TRPS1: variants seen among roughly 807,000 people sequenced by gnomAD.
TRPS1 encodes the protein transcriptional repressor GATA binding 1.
Under a neutral mutation model 101.2 loss-of-function variants are expected in TRPS1, and 6 were observed. The observed-to-expected ratio is 0.06, with a 90% CI of 0.03 to 0.12. The LOEUF (loss-of-function observed/expected upper bound fraction) is 0.12, where lower values mean the gene tolerates loss of function less well. Among genes scored for constraint, TRPS1 ranks in the 10% least tolerant of loss-of-function variants. TRPS1 has a pLI of 1.00. For synonymous variants in TRPS1, 578 were observed against 589.8 expected, an observed-to-expected ratio of 0.98 and a Z score of 0.29; for missense variants, 1,363 against 1,567.0, an observed-to-expected ratio of 0.87 and a Z score of 2.20.
At chr8:115,629,272 A>G (rs567943645) in intron 1 of TRPS1, among the ~76,000 whole-genome samples, 1 of 151,962 alleles carries the variant, frequency 6.6e-6, no homozygotes, top group South Asian at 2.1e-4. Context: ...TTTTTTTTCC[A>G]GAAGAGCTAT....
chr8:115,455,710 T>C (rs1254444807), intron 5 of TRPS1, among the ~76,000 whole-genome samples: 2 of 151,502 alleles, frequency 1.3e-5, no homozygotes, highest in African/African-American at 4.8e-5. Flanking sequence ...TCCTTTTTCC[T>C]CCAAAGACAG....
chr8:115,554,568 GTTA>G (rs1816774638), intron 5 of TRPS1, among the ~76,000 whole-genome samples: 1 of 152,282 alleles, frequency 6.6e-6, no homozygotes, highest in East Asian at 1.9e-4. Context: ...GCCTCCATCA[GTTA>G]TTATGCGCAA....
At position 115,464,560 on chromosome 8, in the gene TRPS1, T is replaced by C. The variant is rs1814271759; in HGVS notation, c.2701-46108A>G. 2.0e-5 allele frequency among the ~76,000 whole-genome samples: 3 copies of C among 152,292 alleles called. No homozygotes were observed. The South Asian group carries it at 6.2e-4, about 32-fold the overall frequency. On this transcript the variant is annotated intron_variant, in intron 5 of 6. Transcript: ENST00000395715. ...AAGGTTAGGTTTGAAAACTTAGCAT[T>C]ACAAATGTCACATTTACTTCCAGTA...
intron 1 of TRPS1, among the ~76,000 whole-genome samples, chr8:115,629,773 A>T (rs1201258558): frequency 6.6e-6 from 1 of 151,754 alleles, no homozygotes; most frequent in Non-Finnish European, 1.5e-5. Context: ...GATACCTCAG[A>T]TCTATCCCAC....
chr8:115,565,631 A>G (rs781284311), intron 5 of TRPS1, among the ~76,000 whole-genome samples: 56 of 152,080 alleles, frequency 3.7e-4, no homozygotes, highest in African/African-American at 1.2e-3. Flanking sequence ...AACAGAAAAA[A>G]AAAGAAAAAA....
chr8:115,540,186 C>G (rs1357818195), intron 5 of TRPS1, among the ~76,000 whole-genome samples: 1 of 152,068 alleles, frequency 6.6e-6, no homozygotes, highest in African/African-American at 2.4e-5. Flanking sequence ...AATAGAAAAA[C>G]AGCACAATGG....
intron 1 of TRPS1, among the ~76,000 whole-genome samples, chr8:115,644,939 C>T (rs373058101): frequency 3.3e-5 from 5 of 152,214 alleles, no homozygotes; most frequent in Non-Finnish European, 5.9e-5. Context: ...TGCCATCTTA[C>T]GTGGGTACCA....
intron 1 of TRPS1, among the ~76,000 whole-genome samples, chr8:115,662,899 C>A (rs1201193213): frequency 6.6e-6 from 1 of 152,016 alleles, no homozygotes; most frequent in Non-Finnish European, 1.5e-5. Flanking sequence ...ATTTAAACTT[C>A]CACATTTTAG....
chr8:115,450,799 C>T (rs532590241), intron 5 of TRPS1, among the ~76,000 whole-genome samples: 2 of 152,306 alleles, frequency 1.3e-5, no homozygotes, highest in Non-Finnish European at 2.9e-5. Flanking sequence ...ACAGCAGAGC[C>T]TTGGGACAGC....
intron 1 of TRPS1, among the ~76,000 whole-genome samples, chr8:115,639,983 G>A (rs1384930658): frequency 6.6e-6 from 1 of 152,172 alleles, no homozygotes; most frequent in Non-Finnish European, 1.5e-5. Context: ...ATACTCAGTA[G>A]TAGTTACATA....
In TRPS1 at chr8:115,604,716, G is replaced by A; in HGVS notation, c.1253C>T (p.Ala418Val). 1 of 1,613,840 alleles carries A rather than the reference G, an allele frequency of 6.2e-7. No individual in the cohort carries two copies. Among genetic ancestry groups the A allele is most frequent in the South Asian group, 1.1e-5 (1 of 91,078 alleles). Residue 418 changes from alanine (A) to valine (V), a missense_variant, in exon 4 of 7, where the codon GCA (alanine) becomes GTA (valine). By Grantham distance (64) the Ala-to-Val change is moderately conservative. This residue lies in a region of TRPS1 where 1,020 missense variants were observed against 1,073.0 expected (regional missense o/e 0.95). Transcript: ENST00000395715. The surrounding 1 kb of genome is among the most constrained non-coding windows in gnomAD (Gnocchi z 4.1). Reference sequence around the variant, plus strand: ...GTACCCAACAGGAGTGTCATCTCCTGCTTTGACTGTTATCTTGTCCTGCCA... The same window carrying A: ...GTACCCAACAGGAGTGTCATCTCCTACTTTGACTGTTATCTTGTCCTGCCA... ...GKWQDKITVK[A>V]GDDTPVGYSV... is the part of the protein sequence containing the mutation.
intron 6 of TRPS1, among the ~76,000 whole-genome samples, chr8:115,417,390 G>T (rs1349831960): frequency 6.6e-6 from 1 of 152,106 alleles, no homozygotes; most frequent in African/African-American, 2.4e-5. Flanking sequence ...AGAACATTTT[G>T]TCTAAAAGTG....
At chr8:115,533,453 T>A (rs1461684759) in intron 5 of TRPS1, among the ~76,000 whole-genome samples, 1 of 135,360 alleles carries the variant, frequency 7.4e-6, no homozygotes, top group African/African-American at 2.9e-5. Context: ...TTTTTTTTTT[T>A]TTTTTTCCTG....
At chr8:115,550,120 G>A (rs915837268) in intron 5 of TRPS1, among the ~76,000 whole-genome samples, 10 of 152,240 alleles carry the variant, frequency 6.6e-5, no homozygotes, top group East Asian at 1.9e-4. Context: ...GGGAGGCTGC[G>A]ACAGTAGAAT....
At chr8:115,639,870 G>C (rs907077513) in intron 1 of TRPS1, among the ~76,000 whole-genome samples, 1 of 152,080 alleles carries the variant, frequency 6.6e-6, no homozygotes, top group East Asian at 1.9e-4. Flanking sequence ...ACTGGTAGTG[G>C]AATGTCAGTC....
chr8:115,609,600 T>C (rs1041308019), intron 3 of TRPS1, among the ~76,000 whole-genome samples: 2 of 152,188 alleles, frequency 1.3e-5, no homozygotes, highest in African/African-American at 4.8e-5. Flanking sequence ...CTGGCATACA[T>C]GGCCTTCTTC....
intron 1 of TRPS1, among the ~76,000 whole-genome samples, chr8:115,657,567 T>C (rs1328189050): frequency 2.0e-5 from 3 of 152,150 alleles, no homozygotes; most frequent in Admixed American, 6.6e-5. Context: ...AACATACTGA[T>C]GGTGAGAATC....
At chr8:115,472,725 A>C (rs975417068) in intron 5 of TRPS1, among the ~76,000 whole-genome samples, 1 of 152,198 alleles carries the variant, frequency 6.6e-6, no homozygotes, top group Non-Finnish European at 1.5e-5. Flanking sequence ...TGCTTTTAAC[A>C]ACACCCAAGT....
intron 5 of TRPS1, among the ~76,000 whole-genome samples, chr8:115,482,536 T>C (rs1218443208): frequency 1.3e-5 from 2 of 152,300 alleles, no homozygotes; most frequent in Admixed American, 6.5e-5. Flanking sequence ...AACATCACAA[T>C]ACTAGGAGAG....
Sources: gnomAD v4.1 joint callset for allele counts (sites outside exome capture counted in the v4.1 genomes callset) on GRCh38, gnomAD v4.1.1 for gene constraint, gnomAD v4.1.1 regional missense constraint, Gnocchi (gnomAD v3.1) non-coding constraint, MANE v1.5 for transcripts, NCBI Gene and HGNC (gene_info 2026-07-23, HGNC 2026-07-21) for gene names.